The following EIF3H variants were observed in gnomAD, a reference collection of about 807,000 sequenced individuals.
The protein encoded by EIF3H is eukaryotic translation initiation factor 3 subunit H, also known as eIF-3-gamma.
Under a neutral mutation model 44.2 loss-of-function variants are expected in EIF3H, and 26 were observed. The ratio of observed to expected loss-of-function variants is 0.59; its 90% confidence interval spans 0.43 to 0.82. The LOEUF (loss-of-function observed/expected upper bound fraction) is 0.82. Among genes scored for constraint, EIF3H ranks in the 40% least tolerant of loss-of-function variants. The pLI is 0.00. For synonymous variants in EIF3H, 166 were observed against 151.9 expected, an observed-to-expected ratio of 1.09 and a Z score of -0.68; for missense variants, 359 against 432.8, an observed-to-expected ratio of 0.83 and a Z score of 1.51.
intron 2 of EIF3H, among the ~76,000 whole-genome samples, chr8:116,670,178 C>T (rs1404460018): frequency 1.3e-5 from 2 of 152,150 alleles, no homozygotes; most frequent in East Asian, 1.9e-4. Flanking sequence ...AAAGCTTTCA[C>T]CAAATTCTCA....
At chr8:116,655,566 CTT>C (rs1813474834) in intron 5 of EIF3H, among the ~76,000 whole-genome samples, 1 of 152,184 alleles carries the variant, frequency 6.6e-6, no homozygotes, top group South Asian at 2.1e-4. Context: ...AGCCCTCCCT[CTT>C]GGGCACTGAC....
Position 116,650,237 on chromosome 8 carries a change from G to A in EIF3H, c.708-1311C>T, listed in dbSNP as rs958438303. Among the ~76,000 whole-genome samples, 7 of 152,212 alleles carry A rather than the reference G, an allele frequency of 4.6e-5. 1 individual carries two copies. The highest frequency in any genetic ancestry group is 6.5e-5 in the Admixed American group (1 of 15,282). On this transcript the variant is annotated intron_variant, in intron 5 of 7. Coordinates refer to ENST00000521861, the MANE Select transcript of EIF3H (RefSeq NM_003756.3). The stretch of plus-strand genomic sequence containing the variant: ...GTTAGTTAAAAGTCTACTGTGGGGT[G>A]TTGGCGAGGATGTGGAAAAATGAAA...
At chr8:116,678,441 T>TG in intron 2 of EIF3H, among the ~76,000 whole-genome samples, 1 of 149,646 alleles carries the variant, frequency 6.7e-6, no homozygotes, top group South Asian at 2.1e-4. Flanking sequence ...GGAGCGTCTC[T>TG]GCCTGGCCCC....
intron 2 of EIF3H, among the ~76,000 whole-genome samples, chr8:116,688,745 ATC>A (rs1334908063): frequency 6.7e-6 from 1 of 149,868 alleles, no homozygotes; most frequent in African/African-American, 2.5e-5. Flanking sequence ...TAAGTTGTGC[ATC>A]TGTTTGATGC....
rs534034137 is a variant in EIF3H at position 116,764,032 on chromosome 8, CATA to C, written c.-27+1480_-27+1482del. Among the ~76,000 whole-genome samples the C allele has an allele frequency of 9.2e-5, 14 of 152,042 alleles. No individual in the cohort carries two copies. The South Asian group carries it at 1.5e-3, about 16-fold the overall frequency. On this transcript the variant is annotated intron_variant, in intron 1 of 9. Transcript: ENST00000276682. The stretch of plus-strand genomic sequence containing the variant: ...AAAACTTCAAAATCATGTACAACAG[CATA>C]ATATTATAAAACTATATTTGATCCA...
Position 116,657,313 on chromosome 8 carries a change from A to T in EIF3H, c.459T>A (p.Asp153Glu). The T allele has an allele frequency of 1.2e-6, 2 of 1,609,034 alleles. No homozygotes were observed. Among genetic ancestry groups the T allele is most frequent in the Non-Finnish European group, 1.7e-6 (2 of 1,175,622 alleles). ...AIEESVVLIY[D>E]PIKTAQGSLS... ...GAGATCCTTGGGCAGTTTTTATGGG[A>T]TCTCAAACAAGGAAAGAGAAATAAA... Residue 153 changes from aspartate (D) to glutamate (E), a missense_variant and splice_region_variant, in exon 4 of 8, where the codon GAT (aspartate) becomes GAA (glutamate). Physicochemically the swap from Asp to Glu is conservative, Grantham distance 45 (BLOSUM62 2). Coordinates refer to ENST00000521861, the MANE Select transcript of EIF3H (RefSeq NM_003756.3).
intron 1 of EIF3H, among the ~76,000 whole-genome samples, chr8:116,728,525 CT>C (rs1361662031): frequency 2.0e-5 from 3 of 151,998 alleles, no homozygotes; most frequent in African/African-American, 4.8e-5. Context: ...GCAGTAAAAA[CT>C]GTGTTATGAA....
intron 1 of EIF3H, among the ~76,000 whole-genome samples, chr8:116,738,287 T>C (rs1174626783): frequency 6.6e-6 from 1 of 152,170 alleles, no homozygotes; most frequent in Non-Finnish European, 1.5e-5. Context: ...ATAATATATC[T>C]TGATTTTAGC....
rs1468440687 is a variant in EIF3H, at chr8:116,679,033, G to C, written c.290-20053C>G. Among the ~76,000 whole-genome samples, 33 of 67,102 alleles carry C rather than the reference G, an allele frequency of 4.9e-4. 2 individuals carry two copies. Among genetic ancestry groups the C allele is most frequent in the African/African-American group, 1.2e-3 (31 of 25,108 alleles). 44.0% of individuals were successfully genotyped at this position (67,102 alleles called of 152,430 possible). The stretch of plus-strand genomic sequence containing the variant: ...GCCCGGCCAGCCGCCCAGTCCGGGA[G>C]GTGAGGGGCGCCTCTGCCCGGCCGC... On this transcript the variant is annotated intron_variant, in intron 2 of 7. Transcript: ENST00000521861.
At chr8:116,706,368 T>TTTTC (rs1393524261) in intron 2 of EIF3H, among the ~76,000 whole-genome samples, 1 of 152,180 alleles carries the variant, frequency 6.6e-6, no homozygotes, top group Non-Finnish European at 1.5e-5. Context: ...GTTTTCCTCG[T>TTTTC]CTGTCTCTCT....
At chr8:116,721,635 G>A (rs1398253127) in intron 2 of EIF3H, among the ~76,000 whole-genome samples, 1 of 152,206 alleles carries the variant, frequency 6.6e-6, no homozygotes, top group African/African-American at 2.4e-5. Context: ...AATGCCACAG[G>A]GGCAGAGCTG....
At chr8:116,649,614 A>C (rs1813357787) in intron 5 of EIF3H, among the ~76,000 whole-genome samples, 1 of 152,134 alleles carries the variant, frequency 6.6e-6, no homozygotes, top group South Asian at 2.1e-4. Flanking sequence ...GCTACTATAC[A>C]TATATATATT....
chr8:116,663,095 T>G (rs747345299), intron 2 of EIF3H, among the ~76,000 whole-genome samples: 1 of 152,194 alleles, frequency 6.6e-6, no homozygotes, highest in Non-Finnish European at 1.5e-5. Flanking sequence ...CTGGTGACTA[T>G]GAGGTCCTGC....
intron 2 of EIF3H, among the ~76,000 whole-genome samples, chr8:116,667,191 G>GA (rs1452364390): frequency 6.6e-6 from 1 of 152,066 alleles, no homozygotes; most frequent in African/African-American, 2.4e-5. Context: ...AAGCAAAAAG[G>GA]AAAACATGGT....
chr8:116,727,642 T>G (rs1457134734), intron 1 of EIF3H, among the ~76,000 whole-genome samples: 1 of 152,224 alleles, frequency 6.6e-6, no homozygotes, highest in African/African-American at 2.4e-5. Context: ...GTTGGGGGGT[T>G]AGTTTTTATA....
intron 2 of EIF3H, among the ~76,000 whole-genome samples, chr8:116,670,934 A>G (rs1357485650): frequency 6.6e-6 from 1 of 152,206 alleles, no homozygotes; most frequent in Non-Finnish European, 1.5e-5. Context: ...CACTAGGATT[A>G]GAGGAAGGTG....
In EIF3H at chr8:116,644,739, G is replaced by A. The variant is rs1047100661; in HGVS notation, c.*267C>T. 8 of 355,690 alleles carry A rather than the reference G, an allele frequency of 2.2e-5. No homozygotes were observed. Among genetic ancestry groups the A allele is most frequent in the African/African-American group, 6.2e-5 (3 of 48,638 alleles). 22.0% of individuals were successfully genotyped at this position (355,690 alleles called of 1,614,324 possible). On this transcript the variant is annotated 3_prime_UTR_variant, in exon 8 of 8. Coordinates refer to ENST00000521861, the MANE Select transcript of EIF3H (RefSeq NM_003756.3). ...TAGGTTTCTGCCTGGTGAAACTTCC[G>A]GTCAGGGCTTGTTTTAGCTTTTAGA...
At chr8:116,723,080 A>G (rs1276719450) in intron 2 of EIF3H, among the ~76,000 whole-genome samples, 1 of 152,194 alleles carries the variant, frequency 6.6e-6, no homozygotes, top group East Asian at 1.9e-4. Flanking sequence ...ATTTCTTCAT[A>G]TTCTAAACCA....
rs1215809550 is a variant in EIF3H at position 116,642,323 on chromosome 8, T to G, written c.*2683A>C. ...ATAATATTTTAGAAGACATTAAAACTTAAATATTTAGATGCTGTATATGAG... is the reference window on the plus strand; with the variant it reads ...ATAATATTTTAGAAGACATTAAAACGTAAATATTTAGATGCTGTATATGAG... On this transcript the variant is annotated 3_prime_UTR_variant, in exon 8 of 8. Coordinates refer to ENST00000521861, the MANE Select transcript of EIF3H (RefSeq NM_003756.3). 2 of 152,148 alleles carry G rather than the reference T, an allele frequency of 1.3e-5. No individual in the cohort carries two copies. Among genetic ancestry groups the G allele is most frequent in the Admixed American group, 6.6e-5 (1 of 15,266 alleles). The allele number at this position is 152,148 out of a possible 1,614,324, so 9.4% of individuals were successfully genotyped here. A position where few individuals can be genotyped will look rare whatever the true frequency, so the allele number is the denominator to read the frequency against.
Sources: gnomAD v4.1 joint callset for allele counts (sites outside exome capture counted in the v4.1 genomes callset) on GRCh38, gnomAD v4.1.1 for gene constraint, MANE v1.5 for transcripts, NCBI Gene and HGNC (gene_info 2026-07-23, HGNC 2026-07-21) for gene names.